PRKG1: variants seen among roughly 807,000 people sequenced by gnomAD.
The protein encoded by PRKG1 is protein kinase cGMP-dependent 1, also known as cGMP-dependent protein kinase 1.
PRKG1 carries 35 observed loss-of-function variants against 88.1 expected under a neutral mutation model. The ratio of observed to expected loss-of-function variants is 0.40; its 90% CI spans 0.30 to 0.53. The LOEUF (loss-of-function observed/expected upper bound fraction) is 0.53. Ranked by LOEUF, PRKG1 falls within the 20% of genes least tolerant of loss-of-function variation. The probability of loss-of-function intolerance (pLI) is 0.59; values close to 1 mark genes in which losing one functional copy is unlikely to be tolerated. For synonymous variants in PRKG1, 303 were observed against 292.5 expected (o/e 1.04, Z -0.37); for missense variants, 540 against 839.8 (o/e 0.64, Z 4.41).
intron 5 of PRKG1, among the ~76,000 whole-genome samples, chr10:51,951,721 T>C (rs1843190127): frequency 1.3e-5 from 2 of 151,918 alleles, no homozygotes; most frequent in African/African-American, 2.4e-5. Context: ...TAACTGGAAA[T>C]GTCAGTAGGC....
At chr10:52,270,473 G>A (rs369975018) in intron 10 of PRKG1, among the ~76,000 whole-genome samples, 30 of 151,980 alleles carry the variant, frequency 2.0e-4, no homozygotes, top group African/African-American at 5.8e-4. Context: ...ACCAACCCAA[G>A]TGTCCAACAA....
At chr10:51,324,294 T>C (rs1841527690) in intron 2 of PRKG1, among the ~76,000 whole-genome samples, 1 of 152,184 alleles carries the variant, frequency 6.6e-6, no homozygotes, top group Non-Finnish European at 1.5e-5. Flanking sequence ...CATTCTACTT[T>C]CAACCAACAT....
intron 3 of PRKG1, among the ~76,000 whole-genome samples, chr10:51,721,164 T>C (rs1170940914): frequency 6.9e-6 from 1 of 144,370 alleles, no homozygotes; most frequent in East Asian, 2.0e-4. Flanking sequence ...AGTGAGCCCA[T>C]GATTATGCCA....
chr10:52,170,833 C>T (rs1046989016), intron 9 of PRKG1, among the ~76,000 whole-genome samples: 1 of 151,892 alleles, frequency 6.6e-6, no homozygotes, highest in African/African-American at 2.4e-5. Flanking sequence ...TTAGCAGAGA[C>T]AACCCTTTAG....
At chr10:51,291,762 T>C (rs1441247045) in intron 2 of PRKG1, among the ~76,000 whole-genome samples, 1 of 152,216 alleles carries the variant, frequency 6.6e-6, no homozygotes, top group Non-Finnish European at 1.5e-5. Flanking sequence ...TAGTAGCTCA[T>C]AACATTAGTA....
chr10:51,964,687 A>T (rs1843526421), intron 5 of PRKG1, among the ~76,000 whole-genome samples: 1 of 152,234 alleles, frequency 6.6e-6, no homozygotes. Context: ...ACACACGCAT[A>T]AACACACAGA....
intron 3 of PRKG1, among the ~76,000 whole-genome samples, chr10:51,669,260 C>T (rs1344704544): frequency 2.0e-5 from 3 of 152,156 alleles, no homozygotes; most frequent in Admixed American, 6.5e-5. Flanking sequence ...AGTTGGGTTC[C>T]GGTGAGGGCA....
At chr10:52,004,679 G>A (rs1215635057) in intron 5 of PRKG1, among the ~76,000 whole-genome samples, 2 of 152,180 alleles carry the variant, frequency 1.3e-5, no homozygotes, top group South Asian at 4.1e-4. Flanking sequence ...AGAGTGACCT[G>A]GAAGTGGTAG....
intron 17 of PRKG1, 41 bp from the exon 18 acceptor site, chr10:52,293,761 T>A: frequency 6.6e-7 from 1 of 1,524,272 alleles, no homozygotes; most frequent in South Asian, 1.1e-5. Flanking sequence ...GGAATTCCAC[T>A]AAAAAAAATC....
intron 7 of PRKG1, among the ~76,000 whole-genome samples, chr10:52,078,470 A>T (rs1246276891): frequency 6.6e-6 from 1 of 152,206 alleles, no homozygotes; most frequent in Non-Finnish European, 1.5e-5. Context: ...TTGACATTTC[A>T]TATCATTCTA....
At chr10:51,569,481 T>A (rs1349203851) in intron 3 of PRKG1, among the ~76,000 whole-genome samples, 2 of 152,028 alleles carry the variant, frequency 1.3e-5, no homozygotes, top group Non-Finnish European at 2.9e-5. Context: ...AATATTATAG[T>A]AGTAATAATA....
intron 5 of PRKG1, among the ~76,000 whole-genome samples, chr10:51,942,863 G>A (rs1164896685): frequency 2.0e-5 from 3 of 150,640 alleles, no homozygotes; most frequent in African/African-American, 7.5e-5. Flanking sequence ...TAGCCTTGTA[G>A]TATAGTTTGA....
intron 9 of PRKG1, among the ~76,000 whole-genome samples, chr10:52,194,040 T>C (rs1436536788): frequency 6.6e-6 from 1 of 152,206 alleles, no homozygotes; most frequent in Non-Finnish European, 1.5e-5. Flanking sequence ...ATTAAGAATG[T>C]AATAAATAAC....
At chr10:51,198,192 G>C (rs193217389) in intron 2 of PRKG1, among the ~76,000 whole-genome samples, 67 of 152,202 alleles carry the variant, frequency 4.4e-4, no homozygotes, top group African/African-American at 1.5e-3. Context: ...TATTTATATG[G>C]ATGTGAGCTT....
intron 7 of PRKG1, among the ~76,000 whole-genome samples, chr10:52,103,210 G>A (rs12412155): frequency 0.054 from 8,281 of 152,166 alleles, 457 homozygotes; most frequent in East Asian, 0.33. Flanking sequence ...TTGTCTTCAT[G>A]TCCCTGGTGC....
intron 3 of PRKG1, among the ~76,000 whole-genome samples, chr10:51,505,949 G>GT (rs34194744): frequency 0.33 from 50,135 of 151,790 alleles, 9,394 homozygotes; most frequent in East Asian, 0.79. Context: ...ATTTTGAAGG[G>GT]TTTTTTTGTG....
intron 2 of PRKG1, among the ~76,000 whole-genome samples, chr10:51,347,470 T>G (rs1303044006): frequency 6.6e-6 from 1 of 152,142 alleles, no homozygotes; most frequent in Non-Finnish European, 1.5e-5. Context: ...ATCTTATGAA[T>G]GAATTGCTTG....
chr10:51,755,051 A>G (rs1007048737), intron 3 of PRKG1, among the ~76,000 whole-genome samples: 1 of 152,052 alleles, frequency 6.6e-6, no homozygotes, highest in East Asian at 1.9e-4. Context: ...TATTAGCTAC[A>G]TATGTATGAT....
intron 6 of PRKG1, among the ~76,000 whole-genome samples, chr10:52,058,766 C>T (rs1319490285): frequency 1.3e-5 from 2 of 151,858 alleles, no homozygotes; most frequent in Admixed American, 6.6e-5. Flanking sequence ...CTAGGCATGA[C>T]ACCACCAGCA....
Sources: allele counts gnomAD v4.1 joint callset (sites outside exome capture counted in the v4.1 genomes callset), GRCh38; gene constraint gnomAD v4.1.1; transcripts MANE v1.5; gene names NCBI Gene and HGNC (gene_info 2026-07-23, HGNC 2026-07-21).